Variants in LHFPL3 observed in about 807,000 individuals in gnomAD.
The protein encoded by LHFPL3 is LHFPL tetraspan subfamily member 3, also known as LHFPL tetraspan subfamily member 3 protein.
Under a neutral mutation model 19.3 loss-of-function variants are expected in LHFPL3, and 5 were observed. That is an observed-to-expected ratio of 0.26 (90% CI 0.14 to 0.54). LHFPL3 has a LOEUF of 0.54. LHFPL3 is among the 20% of genes least tolerant of loss of function. The pLI is 0.94. For missense variants in LHFPL3, 249 were observed against 307.4 expected, an observed-to-expected ratio of 0.81 and a Z score of 1.42; for synonymous variants, 133 against 126.2, an observed-to-expected ratio of 1.05 and a Z score of -0.36.
chr7:104,639,314 G>A (rs1584455431), intron 1 of LHFPL3, among the ~76,000 whole-genome samples: 3 of 152,102 alleles, frequency 2.0e-5, no homozygotes, highest in East Asian at 3.9e-4. Context: ...GAGTGTGTAT[G>A]TGTCCAGGGA....
intron 2 of LHFPL3, among the ~76,000 whole-genome samples, chr7:104,825,593 C>A (rs1790802202): frequency 6.6e-6 from 1 of 151,850 alleles, no homozygotes; most frequent in Non-Finnish European, 1.5e-5. Context: ...AAAAAAAATT[C>A]AAATAATAGT....
rs182418997 is a variant in LHFPL3, at chr7:104,809,914, A to G, written c.682+73003A>G. Among the ~76,000 whole-genome samples, 3 of 152,348 alleles carry G rather than the reference A, an allele frequency of 2.0e-5. No homozygotes were observed. The East Asian group carries it at 5.8e-4, about 29-fold the overall frequency. On this transcript the variant is annotated intron_variant, in intron 2 of 2. Coordinates refer to ENST00000424859, the MANE Select transcript of LHFPL3 (RefSeq NM_199000.3). ...CCCACCCATTCAGAGCATATAGTCT[A>G]TAAGAAAGCAGTAGAATAAATTGTG...
chr7:104,710,860 C>T (rs1793288135), intron 1 of LHFPL3, among the ~76,000 whole-genome samples: 1 of 152,104 alleles, frequency 6.6e-6, no homozygotes, highest in Non-Finnish European at 1.5e-5. Context: ...AATATTTTTT[C>T]TTTTCTTCAA....
intron 1 of LHFPL3, among the ~76,000 whole-genome samples, chr7:104,654,109 T>A (rs1372077936): frequency 1.3e-5 from 2 of 152,144 alleles, no homozygotes; most frequent in Non-Finnish European, 2.9e-5. Flanking sequence ...CAGTTCCAAG[T>A]CCCATTGGAT....
At chr7:104,337,813 G>C (rs1043962438) in intron 1 of LHFPL3, among the ~76,000 whole-genome samples, 1 of 152,138 alleles carries the variant, frequency 6.6e-6, no homozygotes, top group Admixed American at 6.5e-5. Flanking sequence ...AATAGCCAGC[G>C]ATATTGTGGA....
intron 1 of LHFPL3, among the ~76,000 whole-genome samples, chr7:104,357,199 G>A (rs1790296258): frequency 1.3e-5 from 2 of 152,344 alleles, no homozygotes; most frequent in South Asian, 2.1e-4. Flanking sequence ...AAAGAGCTAA[G>A]TAGTAAAGAC....
chr7:104,706,799 C>T (rs759556273), intron 1 of LHFPL3, among the ~76,000 whole-genome samples: 5 of 152,144 alleles, frequency 3.3e-5, no homozygotes, highest in Non-Finnish European at 7.4e-5. Context: ...ATATTTGTCT[C>T]CATGATGGCA....
chr7:104,336,035 C>T (rs1056550653), intron 1 of LHFPL3, among the ~76,000 whole-genome samples: 31 of 151,962 alleles, frequency 2.0e-4, no homozygotes, highest in African/African-American at 7.0e-4. Context: ...GGCTTAATCT[C>T]GTGATAACTG....
chr7:104,420,440 A>C (rs1332687123), intron 1 of LHFPL3, among the ~76,000 whole-genome samples: 1 of 152,234 alleles, frequency 6.6e-6, no homozygotes. Context: ...GAGCTTTGAG[A>C]AAGAGAGGTG....
intron 2 of LHFPL3, among the ~76,000 whole-genome samples, chr7:104,782,800 C>T (rs151195103): frequency 9.3e-4 from 142 of 152,340 alleles, no homozygotes; most frequent in African/African-American, 3.1e-3. Context: ...CTTTCTTATA[C>T]GCTACACTCT....
intron 1 of LHFPL3, among the ~76,000 whole-genome samples, chr7:104,652,828 T>C (rs1792056193): frequency 6.6e-6 from 1 of 150,946 alleles, no homozygotes; most frequent in Non-Finnish European, 1.5e-5. Context: ...AATTTCAATC[T>C]GTGCAGAGGT....
intron 2 of LHFPL3, among the ~76,000 whole-genome samples, chr7:104,838,448 G>A (rs1198009494): frequency 1.3e-5 from 2 of 152,172 alleles, no homozygotes; most frequent in African/African-American, 4.8e-5. Context: ...TAAGTGATAA[G>A]GCTGTATGTG....
At chr7:104,788,724 A>G (rs1274741493) in intron 2 of LHFPL3, among the ~76,000 whole-genome samples, 2 of 152,224 alleles carry the variant, frequency 1.3e-5, no homozygotes, top group Non-Finnish European at 2.9e-5. Context: ...CAATTGGAGC[A>G]TGTAACCGTT....
intron 1 of LHFPL3, among the ~76,000 whole-genome samples, chr7:104,426,857 GTCT>G (rs1284577095): frequency 2.0e-5 from 3 of 152,058 alleles, no homozygotes; most frequent in South Asian, 2.1e-4. Flanking sequence ...GTCAACTGTA[GTCT>G]TCTTCTTTTA....
rs139661329 is a variant in LHFPL3, at chr7:104,422,362, A to AAACAACAACAACAAC, written c.445+93144_445+93158dup. On this transcript the variant is annotated intron_variant, in intron 1 of 2. Transcript: ENST00000424859. ...GGTGACAGAGCAAGACTCTGTCTCA[A>AAACAACAACAACAAC]AACAACAACAACAACAACAAGAACA... 2.4e-3 allele frequency among the ~76,000 whole-genome samples: 362 copies of AAACAACAACAACAAC among 151,694 alleles called. 2 individuals carry two copies. Among genetic ancestry groups the AAACAACAACAACAAC allele is most frequent in the African/African-American group, 8.2e-3 (338 of 41,194 alleles).
At chr7:104,823,928 T>C (rs1790727260) in intron 2 of LHFPL3, among the ~76,000 whole-genome samples, 1 of 151,342 alleles carries the variant, frequency 6.6e-6, no homozygotes, top group African/African-American at 2.4e-5. Flanking sequence ...GGTGGATCAC[T>C]TGAGGTCCGG....
At chr7:104,845,287 C>A in intron 2 of LHFPL3, 1 of 747,254 alleles carries the variant, frequency 1.3e-6, no homozygotes. Flanking sequence ...AATGGAATAG[C>A]CAGGAATGAC....
chr7:104,559,525 G>C (rs1789938247), intron 1 of LHFPL3, among the ~76,000 whole-genome samples: 1 of 150,702 alleles, frequency 6.6e-6, no homozygotes, highest in Non-Finnish European at 1.5e-5. Context: ...TTTGTACATT[G>C]ATTTTGTATC....
At chr7:104,877,144 G>A (rs2116673712) in intron 2 of LHFPL3, among the ~76,000 whole-genome samples, 1 of 152,270 alleles carries the variant, frequency 6.6e-6, no homozygotes, top group African/African-American at 2.4e-5. Flanking sequence ...GGGGAGGAGG[G>A]AGGGATAGCA....
Sources: gnomAD v4.1 joint callset for allele counts (sites outside exome capture counted in the v4.1 genomes callset) on GRCh38, gnomAD v4.1.1 for gene constraint, MANE v1.5 for transcripts, NCBI Gene and HGNC (gene_info 2026-07-23, HGNC 2026-07-21) for gene names.